SLC16A7: variants seen among roughly 807,000 people sequenced by gnomAD.
The protein encoded by SLC16A7 is solute carrier family 16 member 7, also known as monocarboxylate transporter 2.
In SLC16A7, 33 loss-of-function variants were observed where a neutral mutation model predicts 34.9. That is an observed-to-expected ratio of 0.94 (90% CI 0.72 to 1.26). The LOEUF (loss-of-function observed/expected upper bound fraction) is 1.26. Among genes scored for constraint, SLC16A7 ranks in the 50% most tolerant of loss-of-function variants. The pLI is 0.00. For synonymous variants in SLC16A7, 201 were observed against 206.6 expected, an observed-to-expected ratio of 0.97 and a Z score of 0.23; for missense variants, 573 against 578.1, an observed-to-expected ratio of 0.99 and a Z score of 0.09.
intron 3 of SLC16A7, among the ~76,000 whole-genome samples, chr12:59,715,597 T>C (rs1481653669): frequency 1.3e-5 from 2 of 152,208 alleles, no homozygotes; most frequent in Non-Finnish European, 2.9e-5. Flanking sequence ...TTCATCATCT[T>C]GTTTGACCTC....
At chr12:59,759,427 G>A (rs1267946505) in intron 3 of SLC16A7, among the ~76,000 whole-genome samples, 2 of 152,094 alleles carry the variant, frequency 1.3e-5, no homozygotes, top group African/African-American at 4.8e-5. Flanking sequence ...GGGATGCAAA[G>A]AAACATGGTA....
At chr12:59,728,209 A>G (rs1475126142) in intron 3 of SLC16A7, among the ~76,000 whole-genome samples, 5 of 152,198 alleles carry the variant, frequency 3.3e-5, no homozygotes, top group African/African-American at 1.2e-4. Flanking sequence ...GGTGATTAGG[A>G]TGACCATGGA....
At chr12:59,616,706 T>G (rs997722928) in intron 1 of SLC16A7, among the ~76,000 whole-genome samples, 1 of 152,130 alleles carries the variant, frequency 6.6e-6, no homozygotes, top group South Asian at 2.1e-4. Flanking sequence ...TGGGTAACTT[T>G]TATTCTGGAA....
rs946221653 is a variant in SLC16A7, at chr12:59,683,762, T to G, written c.-30-21010T>G. 4.6e-5 allele frequency among the ~76,000 whole-genome samples: 7 copies of G among 152,080 alleles called. No homozygotes were observed. The East Asian group carries it at 1.3e-3, about 29-fold the overall frequency. On this transcript the variant is annotated intron_variant, in intron 2 of 5. Transcript: ENST00000547379. ...GAGATAGATAATATAATGGGGGGTA[T>G]GTAAAGAGAAAAGAGCCAACAATTT...
chr12:59,758,454 A>T (rs1880646331), intron 3 of SLC16A7, among the ~76,000 whole-genome samples: 1 of 152,162 alleles, frequency 6.6e-6, no homozygotes, highest in African/African-American at 2.4e-5. Flanking sequence ...GGTATCCTCA[A>T]AAAGGGGAGT....
At chr12:59,761,655 A>G (rs1421284614) in intron 3 of SLC16A7, among the ~76,000 whole-genome samples, 3 of 152,128 alleles carry the variant, frequency 2.0e-5, no homozygotes, top group Non-Finnish European at 4.4e-5. Context: ...ATCAATGAAC[A>G]TCAACTTAAA....
chr12:59,604,017 A>G (rs1306450156), intron 1 of SLC16A7, among the ~76,000 whole-genome samples: 1 of 152,182 alleles, frequency 6.6e-6, no homozygotes, highest in Non-Finnish European at 1.5e-5. Context: ...GACAGCTCAC[A>G]TGTCTTTTGT....
chr12:59,737,591 G>A (rs570037854), intron 3 of SLC16A7, among the ~76,000 whole-genome samples: 1 of 152,260 alleles, frequency 6.6e-6, no homozygotes, highest in East Asian at 1.9e-4. Flanking sequence ...GAGTAACTGG[G>A]TAAATTGATA....
chr12:59,741,493 G>A (rs536618354), intron 3 of SLC16A7, among the ~76,000 whole-genome samples: 1 of 152,256 alleles, frequency 6.6e-6, no homozygotes, highest in African/African-American at 2.4e-5. Flanking sequence ...ATTAAAAATA[G>A]GGCAAAAAAT....
intron 3 of SLC16A7, among the ~76,000 whole-genome samples, chr12:59,729,112 A>G (rs551945020): frequency 1.3e-5 from 2 of 152,352 alleles, no homozygotes; most frequent in South Asian, 2.1e-4. Context: ...TGGATACTCA[A>G]CACATTCTTA....
At chr12:59,776,461 C>A (rs1882765777) in intron 5 of SLC16A7, among the ~76,000 whole-genome samples, 1 of 152,174 alleles carries the variant, frequency 6.6e-6, no homozygotes, top group African/African-American at 2.4e-5. Context: ...CCTTTGCCAG[C>A]AACCAATGTA....
intron 1 of SLC16A7, among the ~76,000 whole-genome samples, chr12:59,652,107 A>C (rs528414912): frequency 6.6e-6 from 1 of 152,132 alleles, no homozygotes; most frequent in East Asian, 1.9e-4. Context: ...GGATTTACAT[A>C]GTTTTAAATA....
intron 3 of SLC16A7, among the ~76,000 whole-genome samples, chr12:59,742,216 G>T (rs912754880): frequency 1.3e-5 from 2 of 152,130 alleles, no homozygotes; most frequent in South Asian, 4.1e-4. Flanking sequence ...AGTGCCCCTG[G>T]AAAGTCATAT....
intron 2 of SLC16A7, among the ~76,000 whole-genome samples, chr12:59,684,471 T>C (rs564907201): frequency 3.3e-5 from 5 of 152,182 alleles, no homozygotes; most frequent in Non-Finnish European, 7.3e-5. Flanking sequence ...AACCTGGTGC[T>C]CCCCACTCAG....
chr12:59,783,051 AAAG>A lies in SLC16A7; in HGVS notation c.*3377_*3379del, dbSNP rs1269394148. On this transcript the variant is annotated 3_prime_UTR_variant, in exon 6 of 6. Coordinates refer to ENST00000547379, the MANE Select transcript of SLC16A7 (RefSeq NM_001270623.2). The stretch of plus-strand genomic sequence containing the variant: ...ACAACATGACAATCAAGAATATAGA[AAAG>A]AAGACTAAAAGATATATGATATAAA... The A allele has an allele frequency of 2.6e-5, 4 of 152,182 alleles. No individual in the cohort carries two copies. Among genetic ancestry groups the A allele is most frequent in the Non-Finnish European group, 5.9e-5 (4 of 68,026 alleles). 9.4% of individuals were successfully genotyped at this position (152,182 alleles called of 1,614,324 possible). A position where few individuals can be genotyped will look rare whatever the true frequency, so the allele number is the denominator to read the frequency against.
At chr12:59,643,943 ATAAT>A (rs2043435584) in intron 1 of SLC16A7, among the ~76,000 whole-genome samples, 1 of 152,210 alleles carries the variant, frequency 6.6e-6, no homozygotes, top group Non-Finnish European at 1.5e-5. Flanking sequence ...ACAAAAGAAC[ATAAT>A]TATCCATGGA....
intron 2 of SLC16A7, among the ~76,000 whole-genome samples, chr12:59,668,185 G>A (rs1869367089): frequency 6.6e-6 from 1 of 152,320 alleles, no homozygotes; most frequent in Non-Finnish European, 1.5e-5. Context: ...CCCCACTGGG[G>A]CACCATCTAG....
chr12:59,660,134 A>G (rs576626605), intron 2 of SLC16A7, among the ~76,000 whole-genome samples: 129 of 152,118 alleles, frequency 8.5e-4, no homozygotes, highest in South Asian at 2.3e-3. Flanking sequence ...TTTTTTAAAA[A>G]GAATCCTTTA....
intron 1 of SLC16A7, among the ~76,000 whole-genome samples, chr12:59,619,859 T>C (rs1386312348): frequency 6.6e-6 from 1 of 152,052 alleles, no homozygotes; most frequent in African/African-American, 2.4e-5. Flanking sequence ...ACTTTACATG[T>C]GTCACCTTTT....
Sources: gnomAD v4.1 joint callset for allele counts (sites outside exome capture counted in the v4.1 genomes callset) on GRCh38, gnomAD v4.1.1 for gene constraint, MANE v1.5 for transcripts, NCBI Gene and HGNC (gene_info 2026-07-23, HGNC 2026-07-21) for gene names.